The following DLG2 variants were observed in gnomAD, a reference collection of about 807,000 sequenced individuals.
DLG2 encodes the protein discs large MAGUK scaffold protein 2, also known as disks large homolog 2.
Under a neutral mutation model 132.5 loss-of-function variants are expected in DLG2, and 45 were observed. The observed-to-expected ratio is 0.34, with a 90% CI of 0.27 to 0.44. The LOEUF is 0.44. DLG2 is among the 20% of genes least tolerant of loss of function. DLG2 has a pLI of 1.00. For synonymous variants in DLG2, 424 were observed against 419.6 expected (o/e 1.01, Z -0.13); for missense variants, 1,045 against 1,196.9 (o/e 0.87, Z 1.87).
At chr11:84,017,007 A>G (rs2095225600) in intron 11 of DLG2, among the ~76,000 whole-genome samples, 2 of 152,034 alleles carry the variant, frequency 1.3e-5, no homozygotes, top group African/African-American at 2.4e-5. Flanking sequence ...TTAGGAGCCA[A>G]CCCAGTGTGG....
intron 9 of DLG2, among the ~76,000 whole-genome samples, chr11:84,128,756 C>G (rs554291716): frequency 7.9e-4 from 120 of 152,084 alleles, no homozygotes; most frequent in Non-Finnish European, 1.4e-3. Flanking sequence ...TTGATATAAT[C>G]AAGCGAGGCT....
intron 3 of DLG2, among the ~76,000 whole-genome samples, chr11:85,355,182 A>T (rs1596475941): frequency 6.6e-6 from 1 of 152,306 alleles, no homozygotes; most frequent in East Asian, 1.9e-4. Context: ...TGATCAGTTG[A>T]TTGAATAAAA....
intron 9 of DLG2, among the ~76,000 whole-genome samples, chr11:84,114,299 G>A (rs1428620964): frequency 6.6e-6 from 1 of 152,092 alleles, no homozygotes; most frequent in African/African-American, 2.4e-5. Flanking sequence ...TAAATATTTT[G>A]TTACATAATT....
chr11:84,816,027 G>A (rs958415130), intron 6 of DLG2, among the ~76,000 whole-genome samples: 5 of 152,134 alleles, frequency 3.3e-5, no homozygotes, highest in South Asian at 2.1e-4. Flanking sequence ...GTGTTTGGGG[G>A]TAAGGACAAA....
chr11:84,216,181 G>A (rs1020193941), intron 8 of DLG2, among the ~76,000 whole-genome samples: 1 of 151,956 alleles, frequency 6.6e-6, no homozygotes, highest in African/African-American at 2.4e-5. Flanking sequence ...TTCTTTGTGG[G>A]CCCCTATCTA....
At chr11:84,210,771 T>C (rs1477057225) in intron 8 of DLG2, among the ~76,000 whole-genome samples, 8 of 152,150 alleles carry the variant, frequency 5.3e-5, no homozygotes, top group Non-Finnish European at 1.0e-4. Flanking sequence ...TTCATTTTTA[T>C]GAGTTTAAGG....
chr11:85,536,628 C>T lies in DLG2; in HGVS notation c.40+62029G>A, dbSNP rs537614077. ...TCACAGGGAAGTGTGAAGAGAGAGGCGCAGGCAGGAGCTGGGGCTGCGTGC... is the reference window on the plus strand; with the variant it reads ...TCACAGGGAAGTGTGAAGAGAGAGGTGCAGGCAGGAGCTGGGGCTGCGTGC... On this transcript the variant is annotated intron_variant, in intron 3 of 27. Coordinates refer to ENST00000376104, the MANE Select transcript of DLG2 (RefSeq NM_001142699.3). Among the ~76,000 whole-genome samples the T allele has an allele frequency of 3.9e-5, 6 of 152,276 alleles. No homozygotes were observed. In the South Asian group the frequency reaches 8.3e-4, roughly 21 times the overall value.
At chr11:84,667,004 G>A (rs2099700391) in intron 6 of DLG2, among the ~76,000 whole-genome samples, 1 of 151,864 alleles carries the variant, frequency 6.6e-6, no homozygotes, top group Admixed American at 6.6e-5. Context: ...ACCCAGTTTT[G>A]CCTGAATTTT....
intron 3 of DLG2, among the ~76,000 whole-genome samples, chr11:85,530,309 ATTT>A: frequency 7.0e-6 from 1 of 142,940 alleles, no homozygotes; most frequent in East Asian, 2.0e-4. Context: ...TTTTATTTTT[ATTT>A]TATTTATTTT....
At chr11:84,854,529 C>A (rs2082535734) in intron 6 of DLG2, among the ~76,000 whole-genome samples, 1 of 152,002 alleles carries the variant, frequency 6.6e-6, no homozygotes, top group South Asian at 2.1e-4. Flanking sequence ...AAAACATCCA[C>A]TGAAAACCCC....
At chr11:85,058,813 A>T (rs888540706) in intron 6 of DLG2, among the ~76,000 whole-genome samples, 11 of 151,526 alleles carry the variant, frequency 7.3e-5, no homozygotes, top group Admixed American at 7.3e-4. Context: ...TTATATATCC[A>T]TATGAGGGAA....
intron 6 of DLG2, among the ~76,000 whole-genome samples, chr11:85,079,840 C>T (rs1335604332): frequency 6.6e-6 from 1 of 151,988 alleles, no homozygotes; most frequent in Non-Finnish European, 1.5e-5. Flanking sequence ...CCATGTTAGC[C>T]AGGATAGTCT....
intron 10 of DLG2, among the ~76,000 whole-genome samples, chr11:84,082,617 G>A (rs948919175): frequency 6.6e-6 from 1 of 152,124 alleles, no homozygotes; most frequent in South Asian, 2.1e-4. Context: ...ATGTTGGCAG[G>A]GCTTTGTGTT....
intron 14 of DLG2, among the ~76,000 whole-genome samples, chr11:83,937,320 C>A (rs112096552): frequency 0.021 from 3,114 of 151,580 alleles, 99 homozygotes; most frequent in African/African-American, 0.071. Flanking sequence ...ATCCTGGCTA[C>A]CACGGTGAAA....
intron 6 of DLG2, among the ~76,000 whole-genome samples, chr11:84,775,254 T>A (rs1303068506): frequency 1.3e-5 from 2 of 152,042 alleles, no homozygotes; most frequent in Non-Finnish European, 2.9e-5. Context: ...AGAATGGCTA[T>A]TATTAAAAAG....
At chr11:83,853,960 A>T (rs1015106403) in intron 16 of DLG2, among the ~76,000 whole-genome samples, 1 of 152,182 alleles carries the variant, frequency 6.6e-6, no homozygotes, top group African/African-American at 2.4e-5. Context: ...CACAGATAAC[A>T]TAATACTCTT....
chr11:85,554,877 T>C lies in DLG2; in HGVS notation c.40+43780A>G, dbSNP rs907110067. On this transcript the variant is annotated intron_variant, in intron 3 of 27. Coordinates refer to ENST00000376104, the MANE Select transcript of DLG2 (RefSeq NM_001142699.3). ...TGACTCTACCTGGACCTGTGAATCA[T>C]GGCTCAACCAGTCCCATGGCCCCCA... Among the ~76,000 whole-genome samples, 10 of 151,706 alleles carry C rather than the reference T, an allele frequency of 6.6e-5. 1 individual carries two copies. Among genetic ancestry groups the C allele is most frequent in the Non-Finnish European group, 1.0e-4 (7 of 67,810 alleles).
At chr11:84,119,056 T>A (rs1237752164) in intron 9 of DLG2, among the ~76,000 whole-genome samples, 1 of 152,046 alleles carries the variant, frequency 6.6e-6, no homozygotes, top group African/African-American at 2.4e-5. Context: ...TCAAGCAAAT[T>A]ATACAATAAT....
intron 7 of DLG2, among the ~76,000 whole-genome samples, chr11:84,373,265 C>CAAAAAAAAAAAAAACAAAAAAAAAACAA (rs59038372): frequency 1.0e-5 from 1 of 98,090 alleles, no homozygotes; most frequent in Non-Finnish European, 1.8e-5. Flanking sequence ...AAAAAAAAAA[C>CAAAAAAAAAAAAAACAAAAAAAAAACAA]AAAACAAAAA....
Sources: gnomAD v4.1 joint callset for allele counts (sites outside exome capture counted in the v4.1 genomes callset) on GRCh38, gnomAD v4.1.1 for gene constraint, MANE v1.5 for transcripts, NCBI Gene and HGNC (gene_info 2026-07-23, HGNC 2026-07-21) for gene names.